GRM8: variants seen among roughly 807,000 people sequenced by gnomAD.
GRM8 encodes the protein metabotropic glutamate receptor 8.
Under a neutral mutation model 87.2 loss-of-function variants are expected in GRM8, and 47 were observed. The ratio of observed to expected loss-of-function variants is 0.54; its 90% confidence interval spans 0.43 to 0.69. GRM8 has a LOEUF of 0.69. Ranked by LOEUF, GRM8 falls within the 30% of genes least tolerant of loss-of-function variation. GRM8 has a pLI of 0.00. For missense variants in GRM8, 1,019 were observed against 1,139.2 expected, an observed-to-expected ratio of 0.89 and a Z score of 1.52; for synonymous variants, 396 against 404.5, an observed-to-expected ratio of 0.98 and a Z score of 0.25.
chr7:126,780,587 G>A (rs1819948539), intron 6 of GRM8, among the ~76,000 whole-genome samples: 1 of 152,152 alleles, frequency 6.6e-6, no homozygotes, highest in Admixed American at 6.5e-5. Flanking sequence ...AGTGAATTAG[G>A]TGGGCAAGGG....
intron 6 of GRM8, among the ~76,000 whole-genome samples, chr7:126,782,252 A>T (rs1308584168): frequency 6.6e-6 from 1 of 152,330 alleles, no homozygotes; most frequent in African/African-American, 2.4e-5. Context: ...TTTGAAACTC[A>T]TTAACCTAGT....
At chr7:126,933,610 G>A (rs1168650745) in intron 3 of GRM8, among the ~76,000 whole-genome samples, 1 of 152,218 alleles carries the variant, frequency 6.6e-6, no homozygotes, top group Non-Finnish European at 1.5e-5. Context: ...AGGACAGTGG[G>A]GAAGTCAAGG....
intron 8 of GRM8, among the ~76,000 whole-genome samples, chr7:126,553,057 T>C (rs1005809155): frequency 3.3e-5 from 5 of 152,100 alleles, no homozygotes; most frequent in African/African-American, 1.2e-4. Flanking sequence ...GCAATAATCA[T>C]CATCATCAAC....
At chr7:126,975,146 A>G (rs1810857847) in intron 3 of GRM8, among the ~76,000 whole-genome samples, 1 of 152,084 alleles carries the variant, frequency 6.6e-6, no homozygotes, top group Non-Finnish European at 1.5e-5. Context: ...CTCTTGGTGT[A>G]AGAGCACCCA....
At chr7:126,535,520 G>C (rs1035506275) in intron 8 of GRM8, among the ~76,000 whole-genome samples, 1 of 152,190 alleles carries the variant, frequency 6.6e-6, no homozygotes, top group African/African-American at 2.4e-5. Flanking sequence ...AGCAGGCAGA[G>C]AGCAGCAGCT....
At chr7:127,193,249 A>C (rs1011782001) in intron 2 of GRM8, among the ~76,000 whole-genome samples, 5 of 152,230 alleles carry the variant, frequency 3.3e-5, no homozygotes, top group African/African-American at 1.2e-4. Context: ...CGACAAAAGA[A>C]CACAACATCA....
chr7:126,898,017 G>T (rs557053501), intron 6 of GRM8, among the ~76,000 whole-genome samples: 22 of 152,122 alleles, frequency 1.4e-4, no homozygotes, highest in African/African-American at 5.3e-4. Context: ...TGCCAATTTT[G>T]CCCCCAATGG....
intron 8 of GRM8, among the ~76,000 whole-genome samples, chr7:126,550,043 TA>T (rs35496722): frequency 0.57 from 85,279 of 150,784 alleles, 24,951 homozygotes; most frequent in East Asian, 0.84. Flanking sequence ...CAAACAGCAA[TA>T]AAAAAAAAAC....
intron 1 of GRM8, among the ~76,000 whole-genome samples, chr7:127,250,572 G>T (rs887764487): frequency 2.1e-5 from 3 of 146,328 alleles, no homozygotes; most frequent in Non-Finnish European, 4.5e-5. Context: ...ACTCTAAAAT[G>T]GAAAAATTGC....
At chr7:126,549,286 CT>C (rs1286779077) in intron 8 of GRM8, among the ~76,000 whole-genome samples, 2 of 152,020 alleles carry the variant, frequency 1.3e-5, no homozygotes, top group Middle Eastern at 6.8e-3. Flanking sequence ...GAAGAAACAT[CT>C]GTGCAAATAG....
chr7:126,715,616 G>C (rs920998360), intron 7 of GRM8, among the ~76,000 whole-genome samples: 1 of 151,770 alleles, frequency 6.6e-6, no homozygotes, highest in African/African-American at 2.4e-5. Context: ...ATCTCAAATT[G>C]TCACAAATCT....
intron 5 of GRM8, among the ~76,000 whole-genome samples, chr7:126,903,567 CA>C (rs1802319304): frequency 9.4e-5 from 1 of 10,622 alleles, no homozygotes; most frequent in Non-Finnish European, 1.6e-4. Context: ...TAAATACATA[CA>C]CACACACACA....
chr7:127,239,028 G>A lies in GRM8; in HGVS notation c.510+3667C>T, dbSNP rs539873008. On this transcript the variant is annotated intron_variant, in intron 2 of 10. Transcript: ENST00000339582. ...ACAACACCTAGATCCCTTGCATCAG[G>A]TTTTGATTAGGAGAACACTTAGGAA... 2.6e-5 allele frequency among the ~76,000 whole-genome samples: 4 copies of A among 152,334 alleles called. No homozygotes were observed. In the South Asian group the frequency reaches 8.3e-4, roughly 32 times the overall value.
At chr7:126,887,794 C>T (rs1052876587) in intron 6 of GRM8, among the ~76,000 whole-genome samples, 2 of 152,174 alleles carry the variant, frequency 1.3e-5, no homozygotes, top group African/African-American at 2.4e-5. Flanking sequence ...CACACTCAAG[C>T]GGGGCTTTGT....
At chr7:126,491,979 T>C (rs1024065327) in intron 9 of GRM8, among the ~76,000 whole-genome samples, 1 of 152,072 alleles carries the variant, frequency 6.6e-6, no homozygotes, top group Non-Finnish European at 1.5e-5. Context: ...CCATCCCTTC[T>C]TTCATTGCAT....
chr7:126,592,828 A>C (rs778001814), intron 8 of GRM8, among the ~76,000 whole-genome samples: 10 of 151,920 alleles, frequency 6.6e-5, no homozygotes, highest in Non-Finnish European at 1.5e-4. Flanking sequence ...AGAGAAAGCA[A>C]ATGAATCTAA....
At chr7:127,229,729 T>C (rs1023485914) in intron 2 of GRM8, 2 of 152,200 alleles carry the variant, frequency 1.3e-5, no homozygotes, top group Admixed American at 6.5e-5. Context: ...CCCTTTACAC[T>C]TGGAATATTG....
intron 9 of GRM8, among the ~76,000 whole-genome samples, chr7:126,497,488 T>C (rs757591008): frequency 1.3e-5 from 2 of 151,974 alleles, no homozygotes; most frequent in Non-Finnish European, 2.9e-5. Flanking sequence ...CACTGGCTAT[T>C]CTTGTCAAAT....
chr7:126,677,440 C>A (rs1460136783), intron 7 of GRM8, among the ~76,000 whole-genome samples: 3 of 150,852 alleles, frequency 2.0e-5, no homozygotes, highest in East Asian at 3.9e-4. Context: ...TACAAAGATA[C>A]GGACTCAACC....
Sources: allele counts gnomAD v4.1 joint callset (sites outside exome capture counted in the v4.1 genomes callset), GRCh38; gene constraint gnomAD v4.1.1; transcripts MANE v1.5; gene names NCBI Gene and HGNC (gene_info 2026-07-23, HGNC 2026-07-21).